XXYLT1: variants seen among roughly 807,000 people sequenced by gnomAD.
XXYLT1 encodes xyloside xylosyltransferase 1, also known as UDP-xylose:alpha-xyloside alpha-1,3-xylosyltransferase.
A neutral mutation model predicts 28.9 loss-of-function variants in XXYLT1; 20 were observed. The ratio of observed to expected loss-of-function variants is 0.69; its 90% CI spans 0.49 to 1.00. XXYLT1 has a LOEUF of 1.00. Ranked by LOEUF, XXYLT1 falls within the 50% of genes least tolerant of loss-of-function variation. XXYLT1 has a pLI of 0.00. For missense variants in XXYLT1, 542 were observed against 560.1 expected (o/e 0.97, Z 0.33); for synonymous variants, 257 against 253.8 (o/e 1.01, Z -0.12).
intron 2 of XXYLT1, among the ~76,000 whole-genome samples, chr3:195,221,717 C>T (rs1374967770): frequency 6.6e-6 from 1 of 152,030 alleles, no homozygotes; most frequent in Non-Finnish European, 1.5e-5. Context: ...GCCCTTGGCT[C>T]CCTCCAGCTC....
intron 1 of XXYLT1, among the ~76,000 whole-genome samples, chr3:195,229,372 A>C (rs1002950062): frequency 2.7e-4 from 41 of 152,210 alleles, no homozygotes; most frequent in Non-Finnish European, 3.2e-4. Flanking sequence ...CACCTCAAGC[A>C]TTTATCCTTT....
intron 2 of XXYLT1, among the ~76,000 whole-genome samples, chr3:195,218,656 C>G (rs1286934104): frequency 1.3e-5 from 2 of 152,094 alleles, no homozygotes; most frequent in African/African-American, 4.8e-5. Context: ...ATTAAAAAGT[C>G]AGGAAACAAC....
At chr3:195,203,216 T>C (rs867688432) in intron 2 of XXYLT1, among the ~76,000 whole-genome samples, 2 of 151,964 alleles carry the variant, frequency 1.3e-5, no homozygotes, top group Non-Finnish European at 2.9e-5. Flanking sequence ...CCTTAACAAA[T>C]ACAGAGCTCC....
intron 1 of XXYLT1, among the ~76,000 whole-genome samples, chr3:195,235,420 G>A (rs753557434): frequency 1.3e-5 from 2 of 152,146 alleles, no homozygotes; most frequent in Non-Finnish European, 2.9e-5. Context: ...TTCCTTCTCT[G>A]TGCTATCTTG....
intron 2 of XXYLT1, chr3:195,207,510 A>C (rs1723125438): frequency 2.2e-6 from 1 of 455,928 alleles, no homozygotes; most frequent in East Asian, 7.0e-5. Context: ...TATGGAAAAA[A>C]GATAGCCTTG....
At chr3:195,222,459 G>A (rs1046851141) in intron 2 of XXYLT1, among the ~76,000 whole-genome samples, 7 of 152,160 alleles carry the variant, frequency 4.6e-5, no homozygotes, top group African/African-American at 1.4e-4. Context: ...TGTGTGAGTC[G>A]ACAACCCTGG....
chr3:195,213,231 T>C lies in XXYLT1; in HGVS notation c.652+13478A>G, dbSNP rs74288784. ...AGAGAGCTACACAAGTGTTATTTAT[T>C]ACGCTAATCTGAGGGCAGCACTTCT... On this transcript the variant is annotated intron_variant, in intron 2 of 3. Coordinates refer to ENST00000310380, the MANE Select transcript of XXYLT1 (RefSeq NM_152531.5). Among the ~76,000 whole-genome samples the C allele has an allele frequency of 1.6e-3, 250 of 151,890 alleles. 3 individuals are homozygous for C. In the East Asian group the frequency reaches 0.02, roughly 12 times the overall value.
intron 2 of XXYLT1, chr3:195,175,931 CA>C (rs1369256260): frequency 7.2e-7 from 1 of 1,391,482 alleles, no homozygotes. Flanking sequence ...ACAGAAATTT[CA>C]GTCATGTTTG....
At chr3:195,138,006 A>G (rs564490430) in intron 3 of XXYLT1, among the ~76,000 whole-genome samples, 115 of 152,290 alleles carry the variant, frequency 7.6e-4, no homozygotes, top group African/African-American at 2.6e-3. Flanking sequence ...GTGTCTCCCC[A>G]TTTCACAGAT....
intron 2 of XXYLT1, among the ~76,000 whole-genome samples, chr3:195,181,789 C>T (rs1721965190): frequency 1.3e-5 from 2 of 152,146 alleles, no homozygotes; most frequent in South Asian, 2.1e-4. Flanking sequence ...CTGCATAATA[C>T]ATGGAAATAA....
intron 2 of XXYLT1, among the ~76,000 whole-genome samples, chr3:195,161,418 C>T (rs191773938): frequency 5.2e-4 from 79 of 152,236 alleles, no homozygotes; most frequent in African/African-American, 1.7e-3. Flanking sequence ...AGATAGCAGA[C>T]GACCCCAGAT....
intron 2 of XXYLT1, among the ~76,000 whole-genome samples, chr3:195,203,449 C>T (rs1722939528): frequency 6.6e-6 from 1 of 152,178 alleles, no homozygotes; most frequent in South Asian, 2.1e-4. Flanking sequence ...GCCCACATAT[C>T]CTTCAAGACA....
intron 3 of XXYLT1, among the ~76,000 whole-genome samples, chr3:195,107,622 G>A (rs1158939043): frequency 8.8e-5 from 2 of 22,822 alleles, no homozygotes; most frequent in Admixed American, 4.0e-4. Flanking sequence ...GAGGAGGAGG[G>A]GGAGGAGGAG....
rs1480213450 is a variant in XXYLT1 at position 195,107,605 on chromosome 3, GGAA to G, written c.786-37497_786-37495del. Among the ~76,000 whole-genome samples, 25 of 19,300 alleles carry G rather than the reference GGAA, an allele frequency of 1.3e-3. 2 individuals are homozygous for G. The highest frequency in any genetic ancestry group is 3.5e-3 in the African/African-American group (18 of 5,102). 12.7% of individuals were successfully genotyped at this position (19,300 alleles called of 152,430 possible). The stretch of plus-strand genomic sequence containing the variant: ...AGGAGGGGGAGGAGGAGGGGGAGGA[GGAA>G]GGGGAGGAGGAGGGGGAGGAGGAGG... On this transcript the variant is annotated intron_variant, in intron 3 of 3. Transcript: ENST00000310380.
At chr3:195,245,228 T>C (rs1380693276) in intron 1 of XXYLT1, among the ~76,000 whole-genome samples, 3 of 149,856 alleles carry the variant, frequency 2.0e-5, no homozygotes, top group Non-Finnish European at 4.4e-5. Context: ...TGGTGTGATT[T>C]TGGCTCACTG....
intron 2 of XXYLT1, among the ~76,000 whole-genome samples, chr3:195,218,484 C>G (rs1393731903): frequency 6.7e-6 from 1 of 150,152 alleles, no homozygotes; most frequent in Admixed American, 6.7e-5. Flanking sequence ...AACAAACAAC[C>G]CCATCAAAAA....
intron 3 of XXYLT1, among the ~76,000 whole-genome samples, chr3:195,126,173 C>T (rs1431457729): frequency 2.0e-5 from 3 of 152,336 alleles, no homozygotes; most frequent in East Asian, 1.9e-4. Context: ...ACCCCTAACA[C>T]ACAGGTGAGG....
rs1409131857 is a variant in XXYLT1 at position 195,129,936 on chromosome 3, T to C, written c.785+26513A>G. On this transcript the variant is annotated intron_variant, in intron 3 of 3. Coordinates refer to ENST00000310380, the MANE Select transcript of XXYLT1 (RefSeq NM_152531.5). The surrounding 1 kb of genome is among the most constrained non-coding windows in gnomAD (Gnocchi z 4.4). Reference sequence around the variant, plus strand: ...ACTTCATATTCCCACCACCAGTGAGTGCGGGTTCCCATGCCTCCAACTCCT... The same window carrying C: ...ACTTCATATTCCCACCACCAGTGAGCGCGGGTTCCCATGCCTCCAACTCCT... Among the ~76,000 whole-genome samples the C allele has an allele frequency of 6.6e-6, 1 of 152,120 alleles. No individual in the cohort carries two copies. The highest frequency in any genetic ancestry group is 1.5e-5 in the Non-Finnish European group (1 of 68,020).
In XXYLT1 at chr3:195,256,232, G is replaced by A. The variant is rs1725472779; in HGVS notation, c.504+14323C>T. Among the ~76,000 whole-genome samples, 1 of 152,204 alleles carries A rather than the reference G, an allele frequency of 6.6e-6. No individual in the cohort carries two copies. Among genetic ancestry groups the A allele is most frequent in the Non-Finnish European group, 1.5e-5 (1 of 68,038 alleles). Reference sequence around the variant, plus strand: ...ATCTGTGCAGCCTCTTCCTAGGGGAGACTAGCTACCCCTCACAGGCCTGGC... The same window carrying A: ...ATCTGTGCAGCCTCTTCCTAGGGGAAACTAGCTACCCCTCACAGGCCTGGC... On this transcript the variant is annotated intron_variant, in intron 1 of 3. Coordinates refer to ENST00000310380, the MANE Select transcript of XXYLT1 (RefSeq NM_152531.5). The surrounding 1 kb of genome is among the most constrained non-coding windows in gnomAD (Gnocchi z 4.2).
Sources: allele counts gnomAD v4.1 joint callset (sites outside exome capture counted in the v4.1 genomes callset), GRCh38; gene constraint gnomAD v4.1.1; non-coding constraint Gnocchi (gnomAD v3.1); transcripts MANE v1.5; gene names NCBI Gene and HGNC (gene_info 2026-07-23, HGNC 2026-07-21).